The following PTPRG variants were observed in gnomAD, a reference collection of about 807,000 sequenced individuals.
PTPRG encodes the protein receptor-type tyrosine-protein phosphatase gamma.
PTPRG carries 102 observed loss-of-function variants against 165.3 expected under a neutral mutation model. The ratio of observed to expected loss-of-function variants is 0.62; its 90% CI spans 0.53 to 0.73. The LOEUF (loss-of-function observed/expected upper bound fraction) is 0.73, where lower values mean the gene tolerates loss of function less well. Among genes scored for constraint, PTPRG ranks in the 30% least tolerant of loss-of-function variants. The pLI is 0.00. For synonymous variants in PTPRG, 675 were observed against 669.5 expected (o/e 1.01, Z -0.13); for missense variants, 1,866 against 1,861.4 (o/e 1.00, Z -0.05).
intron 14 of PTPRG, among the ~76,000 whole-genome samples, chr3:62,239,850 C>T (rs556257998): frequency 2.6e-5 from 4 of 152,176 alleles, no homozygotes; most frequent in East Asian, 1.9e-4. Flanking sequence ...CATAATTTCT[C>T]GTGGAAATTC....
intron 7 of PTPRG, 54 bp downstream of exon 7, chr3:62,157,278 TAAC>T (rs1704574666): frequency 6.4e-7 from 1 of 1,567,402 alleles, no homozygotes; most frequent in African/African-American, 1.4e-5. Flanking sequence ...TGTATTGACT[TAAC>T]GATCCAGCAT....
chr3:61,887,170 A>ATATATTTT lies in PTPRG; in HGVS notation c.191-102454_191-102453insATATTTTT, dbSNP rs60282456. On this transcript the variant is annotated intron_variant, in intron 2 of 29. Coordinates refer to ENST00000474889, the MANE Select transcript of PTPRG (RefSeq NM_002841.4). ...TATATATATATATATATATATATAT[A>ATATATTTT]TTTTTAATGCCATCATCAAACACTC... Among the ~76,000 whole-genome samples the ATATATTTT allele has an allele frequency of 1.4e-4, 16 of 115,526 alleles. 1 individual carries two copies. In the East Asian group the frequency reaches 2.0e-3, roughly 14 times the overall value. The allele number at this position is 115,526 out of a possible 152,430, so 75.8% of individuals were successfully genotyped here. A position where few individuals can be genotyped will look rare whatever the true frequency, so the allele number is the denominator to read the frequency against.
chr3:62,258,031 A>C (rs559733519), intron 16 of PTPRG, among the ~76,000 whole-genome samples: 28 of 152,188 alleles, frequency 1.8e-4, no homozygotes, highest in African/African-American at 6.5e-4. Flanking sequence ...GAAATAAGGA[A>C]GCTTGCAAGT....
intron 5 of PTPRG, chr3:62,124,327 C>T: frequency 6.2e-7 from 1 of 1,611,056 alleles, no homozygotes; most frequent in Non-Finnish European, 8.5e-7. Context: ...CCTGGTTCTG[C>T]CCGGGTCTCT....
intron 28 of PTPRG, among the ~76,000 whole-genome samples, chr3:62,285,247 C>G (rs1025056038): frequency 2.0e-5 from 3 of 152,128 alleles, no homozygotes; most frequent in Non-Finnish European, 2.9e-5. Context: ...AACTTACAAA[C>G]TATTAAGTAT....
At chr3:61,930,388 T>C (rs1260166349) in intron 2 of PTPRG, among the ~76,000 whole-genome samples, 2 of 152,180 alleles carry the variant, frequency 1.3e-5, no homozygotes, top group African/African-American at 2.4e-5. Context: ...TGTCAGTGAT[T>C]CCCTGGAGGT....
chr3:61,888,434 C>T (rs1005765433), intron 2 of PTPRG, among the ~76,000 whole-genome samples: 7 of 151,942 alleles, frequency 4.6e-5, no homozygotes, highest in East Asian at 1.9e-4. Context: ...CCCGGGTTCA[C>T]GCCATTTTCC....
At chr3:62,283,903 T>C (rs1172553089) in intron 28 of PTPRG, among the ~76,000 whole-genome samples, 1 of 152,112 alleles carries the variant, frequency 6.6e-6, no homozygotes, top group Admixed American at 6.6e-5. Flanking sequence ...AATTAAGATT[T>C]GAAAAGCATT....
At position 61,787,689 on chromosome 3, in the gene PTPRG, A is replaced by G. The variant is rs191972321; in HGVS notation, c.190+38707A>G. ...CTTTAATTTTGGTATGATGGACACA[A>G]TTATATCACAGTGGTTCCTGTGGAG... On this transcript the variant is annotated intron_variant, in intron 2 of 29. Transcript: ENST00000474889. 7.2e-5 allele frequency among the ~76,000 whole-genome samples: 11 copies of G among 152,274 alleles called. No homozygotes were observed. The East Asian group carries it at 1.5e-3, about 21-fold the overall frequency.
chr3:62,127,086 G>A (rs1351041868), intron 5 of PTPRG, among the ~76,000 whole-genome samples: 2 of 152,216 alleles, frequency 1.3e-5, no homozygotes, highest in African/African-American at 2.4e-5. Context: ...GTGGTTAGTG[G>A]TTTCATGCTA....
intron 4 of PTPRG, among the ~76,000 whole-genome samples, chr3:62,053,706 T>C (rs1361405921): frequency 6.6e-6 from 1 of 152,208 alleles, no homozygotes; most frequent in Non-Finnish European, 1.5e-5. Context: ...GTAAGTTATA[T>C]TGAGGGACCT....
At chr3:62,070,442 C>G (rs971008465) in intron 4 of PTPRG, among the ~76,000 whole-genome samples, 50 of 152,170 alleles carry the variant, frequency 3.3e-4, no homozygotes, top group Non-Finnish European at 6.5e-4. Context: ...TGCTTCAAGC[C>G]ACTTAGAGCT....
intron 2 of PTPRG, among the ~76,000 whole-genome samples, chr3:61,814,069 T>A (rs936534588): frequency 6.6e-6 from 1 of 151,956 alleles, no homozygotes; most frequent in Non-Finnish European, 1.5e-5. Flanking sequence ...CCTGACTAAT[T>A]TTTGTATTTT....
At chr3:61,886,545 G>A (rs2038043488) in intron 2 of PTPRG, among the ~76,000 whole-genome samples, 1 of 152,074 alleles carries the variant, frequency 6.6e-6, no homozygotes, top group African/African-American at 2.4e-5. Context: ...TGTCCTGTAT[G>A]CCTTCCCCGC....
At chr3:61,601,274 A>C (rs1021255126) in intron 1 of PTPRG, among the ~76,000 whole-genome samples, 5 of 152,182 alleles carry the variant, frequency 3.3e-5, no homozygotes, top group African/African-American at 1.2e-4. Flanking sequence ...AAACAGAGCA[A>C]AACAAAACAA....
chr3:62,218,735 G>T, intron 12 of PTPRG, 116 bp from the exon 13 acceptor site: 1 of 1,370,628 alleles, frequency 7.3e-7, no homozygotes, highest in Middle Eastern at 1.9e-4. Context: ...GGGCAGCTCA[G>T]AGCAAATGGC....
At chr3:61,669,465 G>A (rs1196097881) in intron 1 of PTPRG, among the ~76,000 whole-genome samples, 3 of 152,136 alleles carry the variant, frequency 2.0e-5, no homozygotes, top group Non-Finnish European at 2.9e-5. Context: ...GTCTGCAGGG[G>A]CATCCATTCC....
At chr3:62,276,922 T>A in intron 24 of PTPRG, 50 bp from the exon 25 acceptor site, 1 of 1,408,134 alleles carries the variant, frequency 7.1e-7, no homozygotes, top group South Asian at 1.2e-5. Context: ...CTGTTGGTTC[T>A]GTGTGTATAA....
At position 61,740,485 on chromosome 3, in the gene PTPRG, C is replaced by T. The variant is rs9841802; in HGVS notation, c.86-8393C>T. Among the ~76,000 whole-genome samples the T allele has an allele frequency of 8.0e-3, 1,225 of 152,188 alleles. 14 individuals are homozygous for T. The highest frequency in any genetic ancestry group is 0.028 in the African/African-American group (1,178 of 41,534). ...TTAATTTCTGAAGTTTTAAAACTGA[C>T]AGAGTTAATGGCAGAGGAATGACTC... On this transcript the variant is annotated intron_variant, in intron 1 of 29. Coordinates refer to ENST00000474889, the MANE Select transcript of PTPRG (RefSeq NM_002841.4).
Sources: gnomAD v4.1 joint callset for allele counts (sites outside exome capture counted in the v4.1 genomes callset) on GRCh38, gnomAD v4.1.1 for gene constraint, MANE v1.5 for transcripts, NCBI Gene and HGNC (gene_info 2026-07-23, HGNC 2026-07-21) for gene names.